IL1R1: variants seen among roughly 807,000 people sequenced by gnomAD.
IL1R1 encodes the protein interleukin 1 receptor type 1.
A neutral mutation model predicts 50.2 loss-of-function variants in IL1R1; 22 were observed. The ratio of observed to expected loss-of-function variants is 0.44; its 90% CI spans 0.31 to 0.63. IL1R1 has a LOEUF of 0.63. IL1R1 is among the 20% of genes least tolerant of loss of function. The pLI is 0.07. For missense variants in IL1R1, 509 were observed against 676.2 expected (o/e 0.75, Z 2.74); for synonymous variants, 251 against 236.7 (o/e 1.06, Z -0.55).
chr2:102,099,330 G>A (rs898698414), intron 1 of IL1R1, among the ~76,000 whole-genome samples: 36 of 152,190 alleles, frequency 2.4e-4, no homozygotes, highest in African/African-American at 8.2e-4. Context: ...TTGGATGTTC[G>A]TACCCATCCA....
At position 102,104,748 on chromosome 2, in the gene IL1R1, T is replaced by C. The variant is rs117448525; in HGVS notation, c.-208T>C. 2.6e-5 allele frequency: 4 copies of C among 152,324 alleles called. No individual in the cohort carries two copies. In the East Asian group the frequency reaches 7.7e-4, roughly 29 times the overall value. The allele number at this position is 152,324 out of a possible 1,614,324, so 9.4% of individuals were successfully genotyped here. A position where few individuals can be genotyped will look rare whatever the true frequency, so the allele number is the denominator to read the frequency against. ...GACTTCAAAAAGCACTTTCGTTTTT[T>C]AATAACCAACATCAGCTCAGCAGGC... On this transcript the variant is annotated 5_prime_UTR_variant, in exon 1 of 11. Coordinates refer to the IL1R1 transcript ENST00000409329.
At chr2:102,086,228 C>G (rs1163017779) in intron 1 of IL1R1, among the ~76,000 whole-genome samples, 2 of 152,126 alleles carry the variant, frequency 1.3e-5, no homozygotes, top group Admixed American at 6.5e-5. Context: ...TCTTAATTGA[C>G]AGTTTAGTTT....
At chr2:102,139,984 C>A (rs943665210), upstream of IL1R1, among the ~76,000 whole-genome samples, 43 of 152,254 alleles carry the variant, frequency 2.8e-4, no homozygotes, top group East Asian at 5.8e-4. Context: ...TCCTCAGAAA[C>A]CTTTCAGGGT....
intron 6 of IL1R1, 56 bp from the exon 7 acceptor site, chr2:102,168,541 CA>C: frequency 7.3e-7 from 1 of 1,364,198 alleles, no homozygotes; most frequent in Non-Finnish European, 1.0e-6. Flanking sequence ...GTGTTGTCGT[CA>C]CTTGAGATTC....
intron 1 of IL1R1, among the ~76,000 whole-genome samples, chr2:102,136,665 C>T (rs572696397): frequency 4.8e-4 from 73 of 152,228 alleles, no homozygotes; most frequent in African/African-American, 1.7e-3. Context: ...TGTGAGCCAC[C>T]GTGCCCGGCT....
chr2:102,157,753 T>G lies in IL1R1; in HGVS notation c.29T>G (p.Phe10Cys). 1 of 1,607,020 alleles carries G rather than the reference T, an allele frequency of 6.2e-7. No homozygotes were observed. The highest frequency in any genetic ancestry group is 8.5e-7 in the Non-Finnish European group (1 of 1,173,838). The change falls in exon 3 of 12, where the codon TTC (phenylalanine) becomes TGC (cysteine). Residue 10 changes from phenylalanine (F) to cysteine (C), a missense_variant. By Grantham distance (205) the Phe-to-Cys change is radical. Transcript: ENST00000410023. MKVLLRLIC[F>C]IALLISSLEA... ...AAAGTGTTACTCAGACTTATTTGTT[T>G]CATAGCTCTACTGATTTCTTCTCTG...
intron 1 of IL1R1, among the ~76,000 whole-genome samples, chr2:102,072,103 C>CAA (rs367569298): frequency 6.6e-6 from 1 of 151,218 alleles, no homozygotes; most frequent in African/African-American, 2.4e-5. Flanking sequence ...AGTAAAAATA[C>CAA]AAAAAAATTA....
chr2:102,117,723 C>T (rs770883241), intron 1 of IL1R1, among the ~76,000 whole-genome samples: 1 of 152,076 alleles, frequency 6.6e-6, no homozygotes, highest in African/African-American at 2.4e-5. Context: ...AAGGATTTCT[C>T]AGAACCGGTG....
intron 2 of IL1R1, chr2:102,156,240 T>C (rs1336867611): frequency 6.6e-6 from 1 of 152,622 alleles, no homozygotes; most frequent in Admixed American, 6.5e-5. Context: ...CTGTAAATAG[T>C]TTAAAGGTAA....
chr2:102,105,988 G>A (rs1400791668), intron 1 of IL1R1, among the ~76,000 whole-genome samples: 3 of 152,010 alleles, frequency 2.0e-5, no homozygotes, highest in African/African-American at 7.3e-5. Context: ...TGAGAAAATG[G>A]GACTGAACCT....
At chr2:102,078,571 C>CACACACAA in intron 1 of IL1R1, among the ~76,000 whole-genome samples, 1 of 132,004 alleles carries the variant, frequency 7.6e-6, no homozygotes, top group Middle Eastern at 3.7e-3. Flanking sequence ...TTCACACACA[C>CACACACAA]ACACACACAC....
chr2:102,135,055 T>C (rs1682266405), intron 1 of IL1R1, among the ~76,000 whole-genome samples: 2 of 152,154 alleles, frequency 1.3e-5, no homozygotes, highest in African/African-American at 4.8e-5. Context: ...TTTTTTTTTC[T>C]TGGAGAATAA....
At chr2:102,095,114 C>G (rs1679842651) in intron 1 of IL1R1, among the ~76,000 whole-genome samples, 1 of 152,184 alleles carries the variant, frequency 6.6e-6, no homozygotes, top group Admixed American at 6.6e-5. Context: ...TTAGGCCCCT[C>G]CCCCAACACG....
intron 9 of IL1R1, among the ~76,000 whole-genome samples, chr2:102,174,382 C>A (rs1298506843): frequency 6.6e-6 from 1 of 152,138 alleles, no homozygotes; most frequent in African/African-American, 2.4e-5. Context: ...GTAGAAACTT[C>A]ATAGAATGCA....
At chr2:102,099,857 G>C (rs1182877918), upstream of IL1R1, among the ~76,000 whole-genome samples, 1 of 152,180 alleles carries the variant, frequency 6.6e-6, no homozygotes, top group African/African-American at 2.4e-5. Context: ...TTTTAGATTT[G>C]TCTGTGTTAA....
At chr2:102,173,800 A>G (rs1685886798) in intron 9 of IL1R1, among the ~76,000 whole-genome samples, 1 of 152,216 alleles carries the variant, frequency 6.6e-6, no homozygotes, top group South Asian at 2.1e-4. Context: ...TAAAGGACCA[A>G]GTATAGTCAT....
intron 1 of IL1R1, among the ~76,000 whole-genome samples, chr2:102,143,837 G>A (rs1312208593): frequency 6.6e-6 from 1 of 152,234 alleles, no homozygotes; most frequent in African/African-American, 2.4e-5. Context: ...GGGCAGGGTA[G>A]CTTCTCAGAT....
intron 3 of IL1R1, among the ~76,000 whole-genome samples, chr2:102,163,738 T>A (rs1371392898): frequency 1.3e-5 from 2 of 152,218 alleles, no homozygotes; most frequent in Non-Finnish European, 2.9e-5. Flanking sequence ...TGGTTGTATG[T>A]TACTGCTTCT....
At chr2:102,102,283 C>A (rs903669012), upstream of IL1R1, among the ~76,000 whole-genome samples, 2 of 152,124 alleles carry the variant, frequency 1.3e-5, no homozygotes, top group Non-Finnish European at 2.9e-5. Flanking sequence ...AAGTAAATTG[C>A]GGTGGATCCC....
Sources: allele counts gnomAD v4.1 joint callset (sites outside exome capture counted in the v4.1 genomes callset), GRCh38; gene constraint gnomAD v4.1.1; transcripts MANE v1.5; gene names NCBI Gene and HGNC (gene_info 2026-07-23, HGNC 2026-07-21).